HERC4: variants seen among roughly 807,000 people sequenced by gnomAD.
HERC4 encodes the protein probable E3 ubiquitin-protein ligase HERC4.
A neutral mutation model predicts 124.3 loss-of-function variants in HERC4; 28 were observed. The ratio of observed to expected loss-of-function variants is 0.23; its 90% CI spans 0.17 to 0.31. The LOEUF is 0.31. Ranked by LOEUF, HERC4 falls within the 10% of genes least tolerant of loss-of-function variation. The pLI is 1.00. For missense variants in HERC4, 713 were observed against 1,229.3 expected, an observed-to-expected ratio of 0.58 and a Z score of 6.28; for synonymous variants, 407 against 421.5, an observed-to-expected ratio of 0.97 and a Z score of 0.42.
At chr10:68,060,815 G>A (rs1297698047) in intron 3 of HERC4, among the ~76,000 whole-genome samples, 3 of 151,932 alleles carry the variant, frequency 2.0e-5, no homozygotes, top group African/African-American at 7.3e-5. Flanking sequence ...CTATAGCTAA[G>A]CAATACTTGG....
intron 21 of HERC4, among the ~76,000 whole-genome samples, chr10:67,938,423 G>T (rs1276460483): frequency 1.3e-5 from 2 of 148,572 alleles, no homozygotes; most frequent in African/African-American, 5.0e-5. Context: ...ACTGGGCAGA[G>T]CAAGATTCTG....
At chr10:68,035,974 T>C (rs181100869) in intron 5 of HERC4, among the ~76,000 whole-genome samples, 1 of 152,294 alleles carries the variant, frequency 6.6e-6, no homozygotes, top group African/African-American at 2.4e-5. Context: ...AGTATACTGC[T>C]TATTACTGTA....
intron 3 of HERC4, among the ~76,000 whole-genome samples, chr10:68,046,145 G>GA (rs967768587): frequency 7.0e-6 from 1 of 143,844 alleles, no homozygotes; most frequent in Non-Finnish European, 1.5e-5. Context: ...AAAAAAAAAA[G>GA]AAAAAATACT....
intron 4 of HERC4, among the ~76,000 whole-genome samples, chr10:68,043,322 A>C (rs2039861768): frequency 6.6e-6 from 1 of 152,228 alleles, no homozygotes. Context: ...AGTTTTTTAA[A>C]AATCTTAAAT....
chr10:68,052,861 A>G (rs1394527432), intron 3 of HERC4, among the ~76,000 whole-genome samples: 1 of 152,210 alleles, frequency 6.6e-6, no homozygotes, highest in Non-Finnish European at 1.5e-5. Flanking sequence ...GAAAAATTCT[A>G]TATTCTTAAT....
chr10:68,050,075 C>T (rs1589422541), intron 3 of HERC4, among the ~76,000 whole-genome samples: 1 of 152,114 alleles, frequency 6.6e-6, no homozygotes, highest in Non-Finnish European at 1.5e-5. Flanking sequence ...CACCTATAAT[C>T]CCAGCTACTC....
Position 67,932,576 on chromosome 10 carries a change from C to G in HERC4, c.2838+21G>C. On this transcript the variant is annotated intron_variant, in intron 23 of 24. Coordinates refer to ENST00000373700, the MANE Select transcript of HERC4 (RefSeq NM_015601.4). ...TATAAATCTTTCCATTTAACAATAT[C>G]AGAGATTAGTTTTCCCCTACCTTTT... The G allele has an allele frequency of 2.2e-5, 34 of 1,581,366 alleles. 1 individual carries two copies. The highest frequency in any genetic ancestry group is 2.9e-5 in the Non-Finnish European group (34 of 1,164,182).
chr10:68,021,747 G>C (rs891018211), intron 8 of HERC4, among the ~76,000 whole-genome samples: 8 of 152,202 alleles, frequency 5.3e-5, no homozygotes, highest in African/African-American at 1.9e-4. Context: ...GGCAGAGGTT[G>C]CGGTGAGCCG....
chr10:68,065,036 T>C (rs2041234167), intron 3 of HERC4, among the ~76,000 whole-genome samples: 1 of 151,248 alleles, frequency 6.6e-6, no homozygotes, highest in African/African-American at 2.4e-5. Flanking sequence ...AATGATGAAA[T>C]GTTAATTATA....
At chr10:68,055,580 A>G (rs1376952411) in intron 3 of HERC4, among the ~76,000 whole-genome samples, 1 of 152,178 alleles carries the variant, frequency 6.6e-6, no homozygotes, top group Non-Finnish European at 1.5e-5. Flanking sequence ...TTTAATCCTC[A>G]TAACACCATG....
chr10:68,051,175 A>AAGGG (rs1259612115), intron 3 of HERC4, among the ~76,000 whole-genome samples: 2 of 151,962 alleles, frequency 1.3e-5, no homozygotes, highest in African/African-American at 4.8e-5. Context: ...TTTGATAAAT[A>AAGGG]AGGGCTACAA....
Position 67,941,040 on chromosome 10 carries a change from A to G in HERC4, c.2403T>C (p.Cys801=). The G allele has an allele frequency of 6.2e-7, 1 of 1,610,750 alleles. No homozygotes were observed. Among genetic ancestry groups the G allele is most frequent in the Non-Finnish European group, 8.5e-7 (1 of 1,178,356 alleles). The part of the protein sequence containing the change: ...GVICGLAIYN[C]TIVDLHFPLA... ...AAGGAAAATGGAGGTCCACAATGGT[A>G]CAATTATAAATTGCTAAGCCACAGA... Residue 801 remains cysteine (C), a synonymous_variant, in exon 20 of 25, where the codon TGT becomes TGC. Transcript: ENST00000373700.
intron 8 of HERC4, among the ~76,000 whole-genome samples, chr10:68,015,069 T>C (rs926062535): frequency 2.0e-5 from 3 of 152,226 alleles, no homozygotes; most frequent in Non-Finnish European, 4.4e-5. Flanking sequence ...TGGAAATCTC[T>C]TTCTCCATGT....
At chr10:68,040,706 T>C (rs1259138062) in intron 4 of HERC4, among the ~76,000 whole-genome samples, 1 of 151,844 alleles carries the variant, frequency 6.6e-6, no homozygotes, top group Admixed American at 6.6e-5. Context: ...CTGGCCAAAA[T>C]GGTGAAACCC....
At chr10:67,984,885 G>A (rs192760771) in intron 15 of HERC4, among the ~76,000 whole-genome samples, 12 of 151,948 alleles carry the variant, frequency 7.9e-5, no homozygotes, top group African/African-American at 2.2e-4. Context: ...CACCGCACCC[G>A]GCCAAACCTA....
intron 8 of HERC4, among the ~76,000 whole-genome samples, chr10:68,019,450 C>T (rs1182955071): frequency 2.6e-5 from 4 of 152,020 alleles, no homozygotes; most frequent in African/African-American, 9.7e-5. Flanking sequence ...CATGTACATA[C>T]AACAGCTTAT....
chr10:68,012,129 C>A (rs1426622366), intron 9 of HERC4, among the ~76,000 whole-genome samples: 1 of 152,216 alleles, frequency 6.6e-6, no homozygotes, highest in East Asian at 1.9e-4. Context: ...GAATCTTGGT[C>A]TGGATTAGAC....
chr10:68,059,276 G>C (rs1030712910), intron 3 of HERC4, among the ~76,000 whole-genome samples: 10 of 151,112 alleles, frequency 6.6e-5, no homozygotes, highest in South Asian at 2.1e-4. Flanking sequence ...ACAAATTAGA[G>C]AAAATTGACG....
intron 15 of HERC4, among the ~76,000 whole-genome samples, chr10:67,973,834 A>C (rs1414135287): frequency 6.6e-6 from 1 of 152,110 alleles, no homozygotes; most frequent in African/African-American, 2.4e-5. Context: ...TGGGCAGATC[A>C]CAAGGGCAAG....
Sources: allele counts gnomAD v4.1 joint callset (sites outside exome capture counted in the v4.1 genomes callset), GRCh38; gene constraint gnomAD v4.1.1; transcripts MANE v1.5; gene names NCBI Gene and HGNC (gene_info 2026-07-23, HGNC 2026-07-21).